Variants in ULK4 observed in about 807,000 individuals in gnomAD.
The protein encoded by ULK4 is unc-51 like kinase 4.
Under a neutral mutation model 160.6 loss-of-function variants are expected in ULK4, and 133 were observed. That is an observed-to-expected ratio of 0.83 (90% CI 0.72 to 0.96). The LOEUF (loss-of-function observed/expected upper bound fraction) is 0.96, where lower values mean the gene tolerates loss of function less well. ULK4 is among the 40% of genes least tolerant of loss of function. ULK4 has a pLI of 0.00. For synonymous variants in ULK4, 534 were observed against 539.8 expected, an observed-to-expected ratio of 0.99 and a Z score of 0.15; for missense variants, 1,580 against 1,499.5, an observed-to-expected ratio of 1.05 and a Z score of -0.89.
rs55717991 is a variant in ULK4 at position 41,322,290 on chromosome 3, C to T, written c.3679-72716G>A. On this transcript the variant is annotated intron_variant, in intron 35 of 36. Coordinates refer to ENST00000301831, the MANE Select transcript of ULK4 (RefSeq NM_017886.4). ...CAAGCAATCCACCTGCCTCAGCCTC[C>T]CAAACTGCTGGGATTACAGGCATGT... Among the ~76,000 whole-genome samples the T allele has an allele frequency of 1.2e-4, 13 of 109,448 alleles. 1 individual carries two copies. The highest frequency in any genetic ancestry group is 3.0e-4 in the African/African-American group (7 of 23,390). The allele number at this position is 109,448 out of a possible 152,430, so 71.8% of individuals were successfully genotyped here. A position where few individuals can be genotyped will look rare whatever the true frequency, so the allele number is the denominator to read the frequency against.
chr3:41,409,250 C>T (rs1020072024), intron 34 of ULK4, among the ~76,000 whole-genome samples: 8 of 151,782 alleles, frequency 5.3e-5, no homozygotes, highest in Non-Finnish European at 1.0e-4. Context: ...AGCAAGACTC[C>T]ATCTCAAAAA....
chr3:41,539,600 A>T (rs1229823245), intron 32 of ULK4, among the ~76,000 whole-genome samples: 1 of 152,202 alleles, frequency 6.6e-6, no homozygotes, highest in Non-Finnish European at 1.5e-5. Context: ...GAAAAAAATT[A>T]AATTATGAAT....
intron 35 of ULK4, among the ~76,000 whole-genome samples, chr3:41,367,406 T>C (rs1334067267): frequency 6.6e-6 from 1 of 152,176 alleles, no homozygotes. Context: ...GAGTCTTCTT[T>C]GGTAGAGGGC....
At chr3:41,398,405 A>G (rs1205183993) in intron 34 of ULK4, 141 bp from the exon 35 acceptor site, 3 of 759,974 alleles carry the variant, frequency 3.9e-6, no homozygotes, top group African/African-American at 1.8e-5. Context: ...TTTTTTTGAG[A>G]CAGGGTCCCA....
At chr3:41,640,701 A>G (rs757137278) in intron 30 of ULK4, among the ~76,000 whole-genome samples, 7 of 152,230 alleles carry the variant, frequency 4.6e-5, no homozygotes, top group African/African-American at 7.2e-5. Flanking sequence ...AGACTTAATC[A>G]ATATTCTAGA....
chr3:41,737,030 C>G (rs1490751204), intron 22 of ULK4, among the ~76,000 whole-genome samples: 2 of 151,862 alleles, frequency 1.3e-5, no homozygotes, highest in East Asian at 3.9e-4. Context: ...TCTGAGGGCT[C>G]TGTTCTGTTC....
chr3:41,827,073 G>A (rs905621054), intron 18 of ULK4, among the ~76,000 whole-genome samples: 6 of 150,638 alleles, frequency 4.0e-5, no homozygotes, highest in East Asian at 1.9e-4. Context: ...GGTACATAAC[G>A]AAACAAAGGC....
chr3:41,352,042 G>A (rs2080921133), intron 35 of ULK4, among the ~76,000 whole-genome samples: 1 of 152,158 alleles, frequency 6.6e-6, no homozygotes, highest in African/African-American at 2.4e-5. Context: ...GGGAAAATAA[G>A]TCAAAAAAGG....
intron 34 of ULK4, among the ~76,000 whole-genome samples, chr3:41,408,444 A>G (rs2082342360): frequency 6.6e-6 from 1 of 151,054 alleles, no homozygotes; most frequent in African/African-American, 2.4e-5. Context: ...AAAAAAAAAA[A>G]AAAAAAAAAT....
At chr3:41,742,393 G>A (rs571721352) in intron 22 of ULK4, among the ~76,000 whole-genome samples, 1 of 151,998 alleles carries the variant, frequency 6.6e-6, no homozygotes, top group South Asian at 2.1e-4. Context: ...TGTCTGAGTG[G>A]AGAGCTATCT....
At chr3:41,749,490 T>C (rs1180161221) in intron 22 of ULK4, among the ~76,000 whole-genome samples, 5 of 152,026 alleles carry the variant, frequency 3.3e-5, no homozygotes, top group Non-Finnish European at 5.9e-5. Flanking sequence ...TTCAAAAAAA[T>C]AAAAAATAGG....
intron 35 of ULK4, among the ~76,000 whole-genome samples, chr3:41,378,646 G>T (rs188394766): frequency 6.6e-6 from 1 of 150,918 alleles, no homozygotes; most frequent in Non-Finnish European, 1.5e-5. Flanking sequence ...GTAGGGGAGC[G>T]GGGAGGGATA....
intron 17 of ULK4, among the ~76,000 whole-genome samples, chr3:41,843,845 T>G (rs866206372): frequency 6.6e-6 from 1 of 152,116 alleles, no homozygotes; most frequent in African/African-American, 2.4e-5. Context: ...TGGTCTGTTT[T>G]GGCAGGGCAC....
intron 34 of ULK4, among the ~76,000 whole-genome samples, chr3:41,449,755 AC>A (rs2083384215): frequency 1.3e-5 from 2 of 151,980 alleles, no homozygotes; most frequent in Non-Finnish European, 2.9e-5. Flanking sequence ...AACTTTTTCT[AC>A]ATTGTGTTTT....
At chr3:41,468,761 G>C (rs778441646) in intron 32 of ULK4, among the ~76,000 whole-genome samples, 2 of 152,186 alleles carry the variant, frequency 1.3e-5, no homozygotes, top group African/African-American at 2.4e-5. Flanking sequence ...TCTACAGAGG[G>C]AAGAGAACCA....
At chr3:41,755,622 A>G (rs2038772249) in intron 21 of ULK4, among the ~76,000 whole-genome samples, 1 of 152,134 alleles carries the variant, frequency 6.6e-6, no homozygotes, top group South Asian at 2.1e-4. Flanking sequence ...TCTGTTCCCC[A>G]TATCAACACC....
rs534874806 is a variant in ULK4 at position 41,388,696 on chromosome 3, A to G, written c.3678+9383T>C. Among the ~76,000 whole-genome samples, 242 of 151,942 alleles carry G rather than the reference A, an allele frequency of 1.6e-3. 3 individuals carry two copies. The highest frequency in any genetic ancestry group is 0.01 in the Middle Eastern group (3 of 292). On this transcript the variant is annotated intron_variant, in intron 35 of 36. Transcript: ENST00000301831. ...GATCAGATAGTTGTAGATATGCGGC[A>G]TTATTTCTGAGGGCTCTGTTCTGTT...
At chr3:41,934,030 T>C (rs1699682330) in intron 4 of ULK4, among the ~76,000 whole-genome samples, 1 of 152,080 alleles carries the variant, frequency 6.6e-6, no homozygotes. Context: ...AGAGTGAAAC[T>C]GTGTCTCAAA....
At chr3:41,406,647 T>C (rs979276123) in intron 34 of ULK4, among the ~76,000 whole-genome samples, 3 of 152,208 alleles carry the variant, frequency 2.0e-5, no homozygotes, top group Non-Finnish European at 4.4e-5. Flanking sequence ...TTTTATTATG[T>C]CTTCTGTTTC....
Sources: allele counts gnomAD v4.1 joint callset (sites outside exome capture counted in the v4.1 genomes callset), GRCh38; gene constraint gnomAD v4.1.1; transcripts MANE v1.5; gene names NCBI Gene and HGNC (gene_info 2026-07-23, HGNC 2026-07-21).